LANCL3: variants seen among roughly 807,000 people sequenced by gnomAD.
LANCL3 encodes LanC like family member 3, also known as lanC-like protein 3.
In LANCL3, 19 loss-of-function variants were observed where a neutral mutation model predicts 26.5. The ratio of observed to expected loss-of-function variants is 0.72; its 90% CI spans 0.50 to 1.05. The LOEUF (loss-of-function observed/expected upper bound fraction) is 1.05, where lower values mean the gene tolerates loss of function less well. LANCL3 is among the 50% of genes least tolerant of loss of function. The pLI is 0.00. For synonymous variants in LANCL3, 160 were observed against 166.6 expected (o/e 0.96, Z 0.30); for missense variants, 318 against 362.7 (o/e 0.88, Z 1.00).
At chrX:37,634,050 G>A (rs1825717377) in intron 1 of LANCL3, among the ~76,000 whole-genome samples, 1 of 112,739 alleles carries the variant, frequency 8.9e-6, no homozygotes, top group Non-Finnish European at 1.9e-5. Context: ...AGCCTACAGA[G>A]GCAGGCAGGC....
chrX:37,630,933 C>T (rs1556424119), intron 1 of LANCL3, among the ~76,000 whole-genome samples: 1 of 111,058 alleles, frequency 9.0e-6, no homozygotes, highest in African/African-American at 3.3e-5. Context: ...GTGTCTCTGC[C>T]CGGCTTTGGT....
intron 1 of LANCL3, among the ~76,000 whole-genome samples, chrX:37,613,648 A>AT (rs1924936795): frequency 8.9e-6 from 1 of 112,252 alleles, no homozygotes; most frequent in Non-Finnish European, 1.9e-5. Context: ...AAATGGGATC[A>AT]TGTAGTTTGT....
At chrX:37,632,921 A>G (rs1265194480) in intron 1 of LANCL3, among the ~76,000 whole-genome samples, 8 of 110,933 alleles carry the variant, frequency 7.2e-5, no homozygotes, top group African/African-American at 2.6e-4. Context: ...TGAATCTGAC[A>G]ATTATGTGTC....
At chrX:37,629,645 C>G (rs1925425654) in intron 1 of LANCL3, among the ~76,000 whole-genome samples, 1 of 108,452 alleles carries the variant, frequency 9.2e-6, no homozygotes, top group African/African-American at 3.4e-5. Context: ...AGGAAGGGAT[C>G]CAGTTTCAGC....
chrX:37,637,887 C>T (rs1008413874), intron 1 of LANCL3, among the ~76,000 whole-genome samples: 10 of 110,892 alleles, frequency 9.0e-5, no homozygotes, highest in African/African-American at 3.3e-4. Context: ...GGCCCTGCTC[C>T]TTCAGCTAGA....
intron 1 of LANCL3, among the ~76,000 whole-genome samples, chrX:37,623,134 AC>A (rs1293265919): frequency 2.7e-5 from 3 of 112,018 alleles, no homozygotes; most frequent in Non-Finnish European, 5.6e-5. Context: ...TGCATTCACC[AC>A]CATGAAAGCC....
chrX:37,639,164 T>A (rs1468118888), intron 1 of LANCL3, among the ~76,000 whole-genome samples: 3 of 103,938 alleles, frequency 2.9e-5, no homozygotes. Context: ...ATATCCATAT[T>A]ATATATATAT....
At chrX:37,600,720 C>T (rs1924554245) in intron 1 of LANCL3, among the ~76,000 whole-genome samples, 1 of 111,999 alleles carries the variant, frequency 8.9e-6, no homozygotes, top group Non-Finnish European at 1.9e-5. Flanking sequence ...ACTTGGAGAA[C>T]TTGTTAGGGG....
At chrX:37,600,704 T>C (rs782794655) in intron 1 of LANCL3, among the ~76,000 whole-genome samples, 1 of 112,143 alleles carries the variant, frequency 8.9e-6, no homozygotes, top group Non-Finnish European at 1.9e-5. Context: ...TTCATGCACC[T>C]GAATCACTTG....
intron 1 of LANCL3, among the ~76,000 whole-genome samples, chrX:37,606,253 G>C (rs1447837172): frequency 9.0e-6 from 1 of 111,482 alleles, no homozygotes; most frequent in African/African-American, 3.3e-5. Flanking sequence ...TTGGGGGGTG[G>C]TAACATAGGC....
chrX:37,683,904 A>C lies in LANCL3; in HGVS notation c.*8091A>C, dbSNP rs1926996152. The C allele has an allele frequency of 8.9e-6, 1 of 112,027 alleles. No individual in the cohort carries two copies. The allele number at this position is 112,027 out of a possible 1,213,427, so 9.2% of individuals were successfully genotyped here. ...AAAGTATAATGCAATACATGACATT[A>C]ATCTTTAGTCAAAACCCATTGAGGT... On this transcript the variant is annotated 3_prime_UTR_variant, in exon 5 of 5. Coordinates refer to ENST00000378619, the MANE Select transcript of LANCL3 (RefSeq NM_001170331.2).
At chrX:37,646,687 C>CGTG (rs1746322440) in intron 1 of LANCL3, among the ~76,000 whole-genome samples, 1 of 111,709 alleles carries the variant, frequency 9.0e-6, no homozygotes, top group Non-Finnish European at 1.9e-5. Flanking sequence ...GGACAGGCCA[C>CGTG]GTGGTGGTAT....
chrX:37,607,590 C>T (rs1219399555), intron 1 of LANCL3, among the ~76,000 whole-genome samples: 24 of 112,455 alleles, frequency 2.1e-4, no homozygotes, highest in Non-Finnish European at 4.1e-4. Context: ...ATAGTACCAG[C>T]TTAGAATATA....
At chrX:37,620,065 C>T (rs1371766161) in intron 1 of LANCL3, among the ~76,000 whole-genome samples, 1 of 111,935 alleles carries the variant, frequency 8.9e-6, no homozygotes, top group Admixed American at 9.4e-5. Context: ...AAATGTACCC[C>T]ATCTTCCTTC....
chrX:37,655,583 C>T (rs1926262686), intron 1 of LANCL3, 105 bp from the exon 2 acceptor site: 1 of 629,097 alleles, frequency 1.6e-6, no homozygotes, highest in East Asian at 3.8e-5. Flanking sequence ...ACATATAGTA[C>T]AGGATTCTGT....
intron 1 of LANCL3, 152 bp downstream of exon 1, chrX:37,572,595 C>T: frequency 2.1e-6 from 1 of 472,164 alleles, no homozygotes; most frequent in Non-Finnish European, 3.6e-6. Context: ...CCCTTGAGGT[C>T]TATCTCCTGC....
intron 1 of LANCL3, among the ~76,000 whole-genome samples, chrX:37,624,188 A>C (rs781971398): frequency 3.3e-4 from 37 of 111,711 alleles, no homozygotes; most frequent in Non-Finnish European, 6.6e-4. Flanking sequence ...ACCTCTCTCA[A>C]CGGTGTATGA....
At chrX:37,671,851 CTT>C (rs1309035867) in intron 4 of LANCL3, among the ~76,000 whole-genome samples, 5 of 111,703 alleles carry the variant, frequency 4.5e-5, no homozygotes, top group Non-Finnish European at 9.4e-5. Context: ...TTATGTAAGT[CTT>C]TGATTTGAAG....
chrX:37,655,828 G>T lies in LANCL3; in HGVS notation c.697+17G>T. ...AATACTTGGGTAAGTGAAGGTGTTT[G>T]CATGGGCCTGTAGGAAGGAGAAAGT... On this transcript the variant is annotated intron_variant, in intron 2 of 4. Coordinates refer to ENST00000378619, the MANE Select transcript of LANCL3 (RefSeq NM_001170331.2). 1.7e-6 allele frequency: 2 copies of T among 1,198,727 alleles called. No individual in the cohort carries two copies. The highest frequency in any genetic ancestry group is 2.3e-4 in the Middle Eastern group (1 of 4,310).
Sources: gnomAD v4.1 joint callset for allele counts (sites outside exome capture counted in the v4.1 genomes callset) on GRCh38, gnomAD v4.1.1 for gene constraint, MANE v1.5 for transcripts, NCBI Gene and HGNC (gene_info 2026-07-23, HGNC 2026-07-21) for gene names.